DGKE: variants seen among roughly 807,000 people sequenced by gnomAD.
DGKE encodes DAG kinase epsilon.
A neutral mutation model predicts 70.0 loss-of-function variants in DGKE; 53 were observed. The observed-to-expected ratio is 0.76, with a 90% confidence interval of 0.61 to 0.95. The LOEUF (loss-of-function observed/expected upper bound fraction) is 0.95. Ranked by LOEUF, DGKE falls within the 40% of genes least tolerant of loss-of-function variation. The pLI is 0.00. For synonymous variants in DGKE, 291 were observed against 257.0 expected, an observed-to-expected ratio of 1.13 and a Z score of -1.27; for missense variants, 655 against 706.9, an observed-to-expected ratio of 0.93 and a Z score of 0.83.
At position 56,834,170 on chromosome 17, in the gene DGKE, C is replaced by G. The variant is rs1007984572; in HGVS notation, c.-109C>G. On this transcript the variant is annotated 5_prime_UTR_variant, in exon 1 of 12. Coordinates refer to ENST00000284061, the MANE Select transcript of DGKE (RefSeq NM_003647.3). ...AGCCTTAAGCGTTTCCCCCGCCCGGCTTCATCCCTGCTGGCGGCCCAGCGT... is the reference window on the plus strand; with the variant it reads ...AGCCTTAAGCGTTTCCCCCGCCCGGGTTCATCCCTGCTGGCGGCCCAGCGT... 9 of 152,408 alleles carry G rather than the reference C, an allele frequency of 5.9e-5. No individual in the cohort carries two copies. Among genetic ancestry groups the G allele is most frequent in the African/African-American group, 2.2e-4 (9 of 41,462 alleles). 9.4% of individuals were successfully genotyped at this position (152,408 alleles called of 1,614,324 possible). A position where few individuals can be genotyped will look rare whatever the true frequency, so the allele number is the denominator to read the frequency against.
At chr17:56,845,356 T>G (rs1907219425) in intron 3 of DGKE, among the ~76,000 whole-genome samples, 1 of 152,150 alleles carries the variant, frequency 6.6e-6, no homozygotes, top group Non-Finnish European at 1.5e-5. Context: ...AAGACAGATT[T>G]TCAACTCAGT....
chr17:56,850,752 G>A (rs926516325), intron 7 of DGKE, among the ~76,000 whole-genome samples: 1 of 152,104 alleles, frequency 6.6e-6, no homozygotes, highest in Non-Finnish European at 1.5e-5. Context: ...GCCAAAACTA[G>A]GAAGGTTCGC....
At position 56,869,182 on chromosome 17, in the gene DGKE, C is replaced by T. The variant is rs760216372; in HGVS notation, c.*6391C>T. 12 of 152,212 alleles carry T rather than the reference C, an allele frequency of 7.9e-5. No individual in the cohort carries two copies. Among genetic ancestry groups the T allele is most frequent in the Non-Finnish European group, 1.6e-4 (11 of 68,040 alleles). 9.4% of individuals were successfully genotyped at this position (152,212 alleles called of 1,614,324 possible). ...GTAGAGACTTCGGTAAACTGGAGCA[C>T]ATGATTCCTGGGAAGCAGGCCTAGT... On this transcript the variant is annotated 3_prime_UTR_variant, in exon 12 of 12. Coordinates refer to ENST00000284061, the MANE Select transcript of DGKE (RefSeq NM_003647.3).
chr17:56,861,097 G>T (rs1478892112), intron 9 of DGKE, among the ~76,000 whole-genome samples: 1 of 152,218 alleles, frequency 6.6e-6, no homozygotes, highest in Non-Finnish European at 1.5e-5. Context: ...GGTGAAGAGA[G>T]AGAAAGACAT....
rs146484834 is a variant in DGKE, at chr17:56,834,966, G to A, written c.171G>A (p.Lys57=). 5.6e-6 allele frequency: 9 copies of A among 1,613,126 alleles called. No individual in the cohort carries two copies. The highest frequency in any genetic ancestry group is 7.6e-6 in the Non-Finnish European group (9 of 1,179,976). ...RQLHRRDIFR[K]SKHGWRDTDL... ...TGCACCGCAGGGACATCTTCCGCAA[G>A]AGCAAGCACGGGTGGCGCGACACGG... is the stretch of plus-strand genomic sequence containing the variant. Residue 57 remains lysine (K), a synonymous_variant, in exon 2 of 12, where the codon AAG becomes AAA. Transcript: ENST00000284061.
intron 7 of DGKE, among the ~76,000 whole-genome samples, chr17:56,849,662 T>G (rs541323150): frequency 6.6e-6 from 1 of 152,226 alleles, no homozygotes; most frequent in Admixed American, 6.5e-5. Context: ...CAAAGACATT[T>G]TAGAGGTAGA....
intron 8 of DGKE, among the ~76,000 whole-genome samples, chr17:56,857,569 G>A (rs994535245): frequency 1.3e-5 from 2 of 151,992 alleles, no homozygotes; most frequent in South Asian, 4.1e-4. Context: ...AAGGTAATAC[G>A]TATTACTATT....
intron 5 of DGKE, 27 bp from the exon 6 acceptor site, chr17:56,848,669 A>G (rs1567816159): frequency 6.2e-7 from 1 of 1,605,844 alleles, no homozygotes. Flanking sequence ...TGAGAGAAAA[A>G]TCTAAAACAT....
intron 9 of DGKE, among the ~76,000 whole-genome samples, chr17:56,858,955 C>A (rs919386092): frequency 1.6e-4 from 24 of 152,080 alleles, no homozygotes; most frequent in Non-Finnish European, 2.9e-5. Flanking sequence ...CACATGTAAT[C>A]AAGATGTGAA....
chr17:56,868,673 T>C lies in DGKE; in HGVS notation c.*5882T>C, dbSNP rs1425942621. On this transcript the variant is annotated 3_prime_UTR_variant, in exon 12 of 12. Transcript: ENST00000284061. Reference sequence around the variant, plus strand: ...TTAATAAAATTAAAAGTGCAGCACGTAAGTATGATACTGTGTAGTTTTTTG... The same window carrying C: ...TTAATAAAATTAAAAGTGCAGCACGCAAGTATGATACTGTGTAGTTTTTTG... 1 of 152,248 alleles carries C rather than the reference T, an allele frequency of 6.6e-6. No individual in the cohort carries two copies. The highest frequency in any genetic ancestry group is 1.5e-5 in the Non-Finnish European group (1 of 68,042). The allele number at this position is 152,248 out of a possible 1,614,324, so 9.4% of individuals were successfully genotyped here. A position where few individuals can be genotyped will look rare whatever the true frequency, so the allele number is the denominator to read the frequency against.
chr17:56,840,281 G>A (rs368477291), intron 2 of DGKE, among the ~76,000 whole-genome samples: 1 of 152,322 alleles, frequency 6.6e-6, no homozygotes, highest in East Asian at 1.9e-4. Context: ...ATCGTGTTAG[G>A]ACAAGTGCTC....
chr17:56,846,587 G>T (rs1907299836), intron 4 of DGKE, among the ~76,000 whole-genome samples: 1 of 151,384 alleles, frequency 6.6e-6, no homozygotes, highest in Admixed American at 6.6e-5. Flanking sequence ...AAAATAAAAG[G>T]GATCGTTAAA....
chr17:56,839,955 C>A (rs1906865384), intron 2 of DGKE, among the ~76,000 whole-genome samples: 1 of 152,050 alleles, frequency 6.6e-6, no homozygotes, highest in African/African-American at 2.4e-5. Flanking sequence ...CCAAGGCGGG[C>A]AGAGTTCGAG....
intron 9 of DGKE, among the ~76,000 whole-genome samples, chr17:56,860,895 ATATTTGCCTGG>A (rs1167688604): frequency 6.6e-6 from 1 of 152,218 alleles, no homozygotes; most frequent in African/African-American, 2.4e-5. Context: ...ACAGAGTGTC[ATATTTGCCTGG>A]TATTGGATCT....
At chr17:56,845,830 T>C (rs1237592023) in intron 4 of DGKE, 21 bp downstream of exon 4, 3 of 1,568,776 alleles carry the variant, frequency 1.9e-6, no homozygotes, top group East Asian at 2.3e-5. Flanking sequence ...AAAAAAACTT[T>C]TTATATTAAT....
chr17:56,855,133 A>T (rs1291307792), intron 7 of DGKE, among the ~76,000 whole-genome samples: 1 of 149,516 alleles, frequency 6.7e-6, no homozygotes, highest in Non-Finnish European at 1.5e-5. Flanking sequence ...AATTCAGTTA[A>T]AAAATAAAGG....
intron 2 of DGKE, among the ~76,000 whole-genome samples, chr17:56,837,307 CA>C (rs1906690380): frequency 6.6e-6 from 1 of 151,996 alleles, no homozygotes; most frequent in Admixed American, 6.6e-5. Flanking sequence ...ACAGGCCCTA[CA>C]GGTCCTTCTA....
Position 56,838,062 on chromosome 17 carries a change from T to G in DGKE, c.464+2803T>G, listed in dbSNP as rs546274523. On this transcript the variant is annotated intron_variant, in intron 2 of 11. Transcript: ENST00000284061. Reference sequence around the variant, plus strand: ...TATTTTTACATATTCAATATATTTATTAAATGAACCTTTGTTTCTTGTAGT... The same window carrying G: ...TATTTTTACATATTCAATATATTTAGTAAATGAACCTTTGTTTCTTGTAGT... 3.9e-5 allele frequency among the ~76,000 whole-genome samples: 6 copies of G among 152,338 alleles called. No homozygotes were observed. In the South Asian group the frequency reaches 1.2e-3, roughly 32 times the overall value.
Position 56,834,978 on chromosome 17 carries a change from G to T in DGKE, c.183G>T (p.Gly61=). ...ACATCTTCCGCAAGAGCAAGCACGGGTGGCGCGACACGGACCTGTTCAGCC... is the reference window on the plus strand; with the variant it reads ...ACATCTTCCGCAAGAGCAAGCACGGTTGGCGCGACACGGACCTGTTCAGCC... ...RRDIFRKSKH[G]WRDTDLFSQP... The change falls in exon 2 of 12, where the codon GGG becomes GGT. Residue 61 remains glycine (G), a synonymous_variant. Coordinates refer to ENST00000284061, the MANE Select transcript of DGKE (RefSeq NM_003647.3). The T allele has an allele frequency of 1.2e-6, 2 of 1,612,742 alleles. No homozygotes were observed. The highest frequency in any genetic ancestry group is 4.5e-5 in the East Asian group (2 of 44,866).
Sources: gnomAD v4.1 joint callset for allele counts (sites outside exome capture counted in the v4.1 genomes callset) on GRCh38, gnomAD v4.1.1 for gene constraint, MANE v1.5 for transcripts, NCBI Gene and HGNC (gene_info 2026-07-23, HGNC 2026-07-21) for gene names.